The following TAFA4 variants were observed in gnomAD, a reference collection of about 807,000 sequenced individuals.
The protein encoded by TAFA4 is TAFA chemokine like family member 4, also known as chemokine-like protein TAFA-4.
In TAFA4, 20 loss-of-function variants were observed where a neutral mutation model predicts 21.1. That is an observed-to-expected ratio of 0.95 (90% CI 0.67 to 1.38). The LOEUF (loss-of-function observed/expected upper bound fraction) is 1.38. Among genes scored for constraint, TAFA4 ranks in the 40% most tolerant of loss-of-function variants. The pLI is 0.00. For synonymous variants in TAFA4, 71 were observed against 67.4 expected (o/e 1.05, Z -0.26); for missense variants, 211 against 180.9 (o/e 1.17, Z -0.95).
chr3:68,848,855 T>A (rs1022874294), intron 3 of TAFA4, among the ~76,000 whole-genome samples: 1 of 151,996 alleles, frequency 6.6e-6, no homozygotes, highest in African/African-American at 2.4e-5. Flanking sequence ...TGACAGGCTG[T>A]CTCCTTTCCA....
intron 1 of TAFA4, among the ~76,000 whole-genome samples, chr3:68,927,893 C>CAAAAAAAAAAAAAAAA (rs1209770129): frequency 8.1e-6 from 1 of 123,508 alleles, no homozygotes; most frequent in African/African-American, 2.9e-5. Flanking sequence ...GACACCATCT[C>CAAAAAAAAAAAAAAAA]AAAAAAAAAA....
intron 3 of TAFA4, among the ~76,000 whole-genome samples, chr3:68,875,364 T>C (rs752562587): frequency 4.6e-5 from 7 of 152,168 alleles, no homozygotes; most frequent in Non-Finnish European, 1.0e-4. Flanking sequence ...CTCGCTGCAG[T>C]GGGCCCTCTG....
At chr3:68,739,527 C>A in intron 4 of TAFA4, among the ~76,000 whole-genome samples, 1 of 152,140 alleles carries the variant, frequency 6.6e-6, no homozygotes, top group Non-Finnish European at 1.5e-5. Context: ...ATCCAGCAAT[C>A]CCACCCCTGG....
chr3:68,917,505 A>G (rs1439257046), intron 1 of TAFA4, among the ~76,000 whole-genome samples: 1 of 152,126 alleles, frequency 6.6e-6, no homozygotes, highest in African/African-American at 2.4e-5. Flanking sequence ...CTGTAATCCC[A>G]GCACTTTGGG....
At chr3:68,768,843 A>AT in intron 3 of TAFA4, among the ~76,000 whole-genome samples, 1 of 152,338 alleles carries the variant, frequency 6.6e-6, no homozygotes, top group African/African-American at 2.4e-5. Flanking sequence ...CCAGGCACAG[A>AT]AAGACAAACC....
At position 68,844,281 on chromosome 3, in the gene TAFA4, C is replaced by A. The variant is rs908149359; in HGVS notation, c.130+36449G>T. Reference sequence around the variant, plus strand: ...GTGTCCAGGAATTTATCCATTTCTTCTAGATTTTCTAGTTTATTTGCATAG... The same window carrying A: ...GTGTCCAGGAATTTATCCATTTCTTATAGATTTTCTAGTTTATTTGCATAG... On this transcript the variant is annotated intron_variant, in intron 3 of 5. Transcript: ENST00000295569. 5.3e-5 allele frequency among the ~76,000 whole-genome samples: 8 copies of A among 152,258 alleles called. No individual in the cohort carries two copies. The East Asian group carries it at 1.5e-3, about 29-fold the overall frequency.
chr3:68,850,198 A>G (rs1283806859), intron 3 of TAFA4, among the ~76,000 whole-genome samples: 4 of 152,204 alleles, frequency 2.6e-5, no homozygotes, highest in Non-Finnish European at 4.4e-5. Flanking sequence ...GGTATCATAC[A>G]ACAGTAATAT....
At chr3:68,819,274 TAAAAAAAAAAA>T (rs59090610) in intron 3 of TAFA4, among the ~76,000 whole-genome samples, 1 of 109,346 alleles carries the variant, frequency 9.1e-6, no homozygotes, top group African/African-American at 3.3e-5. Flanking sequence ...TGTCTTTAAT[TAAAAAAAAAAA>T]AAAAAAAAAA....
chr3:68,796,872 T>C (rs1301632724), intron 3 of TAFA4, among the ~76,000 whole-genome samples: 1 of 152,096 alleles, frequency 6.6e-6, no homozygotes, highest in African/African-American at 2.4e-5. Flanking sequence ...CCAACAAGCA[T>C]ATGAAAAGAT....
intron 3 of TAFA4, among the ~76,000 whole-genome samples, chr3:68,818,944 A>T (rs1258726449): frequency 1.3e-5 from 2 of 152,228 alleles, no homozygotes; most frequent in Non-Finnish European, 2.9e-5. Flanking sequence ...CTTGCTGGAC[A>T]TAGGGTTGCC....
At chr3:68,846,568 G>C (rs369918770) in intron 3 of TAFA4, among the ~76,000 whole-genome samples, 46 of 152,194 alleles carry the variant, frequency 3.0e-4, no homozygotes, top group African/African-American at 1.1e-3. Context: ...TGCTGGCAAG[G>C]AGTTGTGATC....
chr3:68,867,453 A>T (rs1452678351), intron 3 of TAFA4, among the ~76,000 whole-genome samples: 1 of 152,142 alleles, frequency 6.6e-6, no homozygotes, highest in African/African-American at 2.4e-5. Context: ...ATCTGAAAGA[A>T]AAAAACAGTA....
chr3:68,903,341 T>G (rs2089862311), intron 1 of TAFA4, among the ~76,000 whole-genome samples: 1 of 152,246 alleles, frequency 6.6e-6, no homozygotes, highest in South Asian at 2.1e-4. Context: ...AGCCTCTATT[T>G]GAAATTCATC....
intron 3 of TAFA4, among the ~76,000 whole-genome samples, chr3:68,795,877 C>G (rs953045064): frequency 6.6e-6 from 1 of 152,086 alleles, no homozygotes; most frequent in Non-Finnish European, 1.5e-5. Flanking sequence ...GGTATTCAAA[C>G]AGATGTGGGT....
chr3:68,813,508 C>T (rs1371095687), intron 3 of TAFA4, among the ~76,000 whole-genome samples: 1 of 152,166 alleles, frequency 6.6e-6, no homozygotes, highest in Middle Eastern at 3.2e-3. Context: ...CACAGAAATA[C>T]AAACTACCAT....
chr3:68,753,658 C>G (rs1826134), intron 3 of TAFA4, among the ~76,000 whole-genome samples: 106,663 of 151,994 alleles, frequency 0.7, 37,846 homozygotes, highest in East Asian at 0.99. Context: ...TTAAGAGAGG[C>G]AGTGTAGCCT....
intron 1 of TAFA4, among the ~76,000 whole-genome samples, chr3:68,905,474 T>C (rs1187002582): frequency 6.6e-6 from 1 of 152,192 alleles, no homozygotes; most frequent in East Asian, 1.9e-4. Context: ...GGCCGGTCTC[T>C]GCTTTCATAC....
At chr3:68,840,047 T>G (rs1391820252) in intron 3 of TAFA4, among the ~76,000 whole-genome samples, 1 of 152,188 alleles carries the variant, frequency 6.6e-6, no homozygotes, top group Non-Finnish European at 1.5e-5. Flanking sequence ...TATGCCACTG[T>G]CTTCTCTCCA....
chr3:68,904,368 G>A (rs1299360401), intron 1 of TAFA4, among the ~76,000 whole-genome samples: 2 of 152,200 alleles, frequency 1.3e-5, no homozygotes, highest in Non-Finnish European at 2.9e-5. Context: ...GTAAACAGCT[G>A]TGAGAAAAAG....
Sources: allele counts gnomAD v4.1 joint callset (sites outside exome capture counted in the v4.1 genomes callset), GRCh38; gene constraint gnomAD v4.1.1; transcripts MANE v1.5; gene names NCBI Gene and HGNC (gene_info 2026-07-23, HGNC 2026-07-21).